BABAM2: variants seen among roughly 807,000 people sequenced by gnomAD.
BABAM2 encodes BRISC and BRCA1 A complex member 2, also known as BRISC and BRCA1-A complex member 2.
In BABAM2, 31 loss-of-function variants were observed where a neutral mutation model predicts 54.7. The observed-to-expected ratio is 0.57, with a 90% CI of 0.43 to 0.77. The LOEUF (loss-of-function observed/expected upper bound fraction) is 0.77, where lower values mean the gene tolerates loss of function less well. BABAM2 is among the 30% of genes least tolerant of loss of function. The probability of loss-of-function intolerance (pLI) is 0.00; values close to 1 mark genes in which losing one functional copy is unlikely to be tolerated. For missense variants in BABAM2, 364 were observed against 455.8 expected (o/e 0.80, Z 1.83); for synonymous variants, 167 against 162.9 (o/e 1.03, Z -0.19).
intron 6 of BABAM2, among the ~76,000 whole-genome samples, chr2:28,112,557 A>G (rs1668229224): frequency 6.6e-6 from 1 of 151,930 alleles, no homozygotes; most frequent in African/African-American, 2.4e-5. Context: ...TTATGACTGG[A>G]TAGTATTCTA....
intron 10 of BABAM2, among the ~76,000 whole-genome samples, chr2:28,275,663 C>T (rs980340366): frequency 3.3e-5 from 5 of 152,236 alleles, no homozygotes; most frequent in Middle Eastern, 3.4e-3. Flanking sequence ...CATTTATTAG[C>T]GTGGCTGGGT....
intron 11 of BABAM2, among the ~76,000 whole-genome samples, chr2:28,305,800 T>C (rs1055943535): frequency 6.6e-6 from 1 of 152,186 alleles, no homozygotes; most frequent in Non-Finnish European, 1.5e-5. Context: ...TTGTTTCTAA[T>C]GTCTTCCTTT....
chr2:28,284,946 G>T (rs754910762), intron 10 of BABAM2, among the ~76,000 whole-genome samples: 4 of 152,122 alleles, frequency 2.6e-5, no homozygotes, highest in Non-Finnish European at 5.9e-5. Flanking sequence ...CCATCCAGGA[G>T]CCTTGCAAGG....
chr2:27,983,240 T>C (rs1011527083), intron 3 of BABAM2, among the ~76,000 whole-genome samples: 4 of 152,014 alleles, frequency 2.6e-5, no homozygotes, highest in Admixed American at 2.0e-4. Flanking sequence ...TTTTGCCCCA[T>C]TGAATTGTGT....
chr2:28,216,397 G>A (rs1679918351), intron 7 of BABAM2, among the ~76,000 whole-genome samples: 1 of 152,210 alleles, frequency 6.6e-6, no homozygotes, highest in African/African-American at 2.4e-5. Context: ...TGTACTAAAT[G>A]TTCCAACTGG....
intron 7 of BABAM2, among the ~76,000 whole-genome samples, chr2:28,134,193 G>A (rs1170837983): frequency 4.4e-5 from 5 of 113,672 alleles, no homozygotes; most frequent in African/African-American, 1.7e-4. Flanking sequence ...AAAAGTCAAT[G>A]GTGAGTTATG....
At chr2:28,216,699 A>T (rs1679947569) in intron 7 of BABAM2, among the ~76,000 whole-genome samples, 1 of 152,206 alleles carries the variant, frequency 6.6e-6, no homozygotes, top group Non-Finnish European at 1.5e-5. Context: ...TACTGTGTAG[A>T]GAGCTCAGAG....
At chr2:27,994,860 T>A (rs1673029751) in intron 4 of BABAM2, among the ~76,000 whole-genome samples, 1 of 152,186 alleles carries the variant, frequency 6.6e-6, no homozygotes, top group Non-Finnish European at 1.5e-5. Flanking sequence ...GATAGGACAG[T>A]TTGAGGTTTC....
intron 10 of BABAM2, among the ~76,000 whole-genome samples, chr2:28,284,947 C>G (rs892816897): frequency 2.6e-5 from 4 of 152,088 alleles, no homozygotes; most frequent in East Asian, 1.9e-4. Flanking sequence ...CATCCAGGAG[C>G]CTTGCAAGGT....
intron 7 of BABAM2, among the ~76,000 whole-genome samples, chr2:28,170,074 A>G (rs1674150558): frequency 6.6e-6 from 1 of 152,132 alleles, no homozygotes; most frequent in Non-Finnish European, 1.5e-5. Context: ...TTTAGTTAAC[A>G]TTTGTCAGAG....
At chr2:28,131,076 A>T (rs74175072) in intron 7 of BABAM2, among the ~76,000 whole-genome samples, 4,198 of 5,124 alleles carry the variant, frequency 0.82, 1,861 homozygotes, top group Non-Finnish European at 0.9. Context: ...TATTATTATT[A>T]TTATTTTTTT....
chr2:28,268,120 A>G (rs901500317), intron 10 of BABAM2, among the ~76,000 whole-genome samples: 3 of 152,220 alleles, frequency 2.0e-5, no homozygotes, highest in African/African-American at 7.2e-5. Flanking sequence ...AAACCAGACA[A>G]TCTGTCCATT....
chr2:27,892,258 A>G (rs1419845558), intron 1 of BABAM2: 2 of 152,206 alleles, frequency 1.3e-5, no homozygotes, highest in African/African-American at 4.8e-5. Context: ...GGGAACAATT[A>G]TTGTTCTCAG....
chr2:28,089,281 A>G (rs1665955665), intron 6 of BABAM2, among the ~76,000 whole-genome samples: 1 of 152,164 alleles, frequency 6.6e-6, no homozygotes, highest in Non-Finnish European at 1.5e-5. Flanking sequence ...CGGAAAGCCA[A>G]ACCTATGGAA....
At chr2:27,941,025 G>A (rs986336337) in intron 3 of BABAM2, among the ~76,000 whole-genome samples, 8 of 152,132 alleles carry the variant, frequency 5.3e-5, no homozygotes, top group African/African-American at 1.7e-4. Context: ...CAGAGAGGTT[G>A]TCATTGAGTT....
intron 3 of BABAM2, among the ~76,000 whole-genome samples, chr2:27,960,819 G>C (rs147685583): frequency 6.6e-6 from 1 of 152,074 alleles, no homozygotes. Flanking sequence ...CACTTCACAT[G>C]TTAGGAAATA....
chr2:27,917,267 C>T (rs1221057885), intron 2 of BABAM2, among the ~76,000 whole-genome samples: 1 of 152,184 alleles, frequency 6.6e-6, no homozygotes, highest in Non-Finnish European at 1.5e-5. Context: ...TTGCCCGCCT[C>T]ATCCTCCCAA....
At chr2:28,297,954 CAGAT>C (rs1687829923) in intron 10 of BABAM2, among the ~76,000 whole-genome samples, 1 of 152,160 alleles carries the variant, frequency 6.6e-6, no homozygotes, top group African/African-American at 2.4e-5. Context: ...ACACTTAAAA[CAGAT>C]AGAAAGAGAA....
intron 6 of BABAM2, among the ~76,000 whole-genome samples, chr2:28,088,391 C>G (rs549986174): frequency 2.6e-5 from 4 of 152,310 alleles, no homozygotes; most frequent in African/African-American, 9.6e-5. Flanking sequence ...TGCCATAGTT[C>G]TTTACAACTC....
Sources: gnomAD v4.1 joint callset for allele counts (sites outside exome capture counted in the v4.1 genomes callset) on GRCh38, gnomAD v4.1.1 for gene constraint, MANE v1.5 for transcripts, NCBI Gene and HGNC (gene_info 2026-07-23, HGNC 2026-07-21) for gene names.